The following CCDC146 variants were observed in gnomAD, a reference collection of about 807,000 sequenced individuals.
CCDC146 encodes the protein coiled-coil domain containing 146, also known as coiled-coil domain-containing protein 146.
Under a neutral mutation model 119.3 loss-of-function variants are expected in CCDC146, and 92 were observed. The ratio of observed to expected loss-of-function variants is 0.77; its 90% confidence interval spans 0.65 to 0.92. CCDC146 has a LOEUF of 0.92. Among genes scored for constraint, CCDC146 ranks in the 40% least tolerant of loss-of-function variants. The pLI is 0.00. For synonymous variants in CCDC146, 372 were observed against 371.8 expected, an observed-to-expected ratio of 1.00 and a Z score of -0.01; for missense variants, 1,000 against 1,103.0, an observed-to-expected ratio of 0.91 and a Z score of 1.32.
intron 2 of CCDC146, among the ~76,000 whole-genome samples, chr7:77,234,176 C>T (rs1176619931): frequency 1.3e-5 from 2 of 152,026 alleles, no homozygotes; most frequent in Non-Finnish European, 2.9e-5. Context: ...TACATACAAA[C>T]ACACACTCAC....
chr7:77,162,248 AT>A (rs1791273788), intron 1 of CCDC146, among the ~76,000 whole-genome samples: 1 of 151,734 alleles, frequency 6.6e-6, no homozygotes, highest in Non-Finnish European at 1.5e-5. Context: ...CTTTTTTCCT[AT>A]GTTTTCTTCT....
At chr7:77,232,507 T>C (rs146793723) in intron 2 of CCDC146, among the ~76,000 whole-genome samples, 42 of 152,376 alleles carry the variant, frequency 2.8e-4, no homozygotes, top group African/African-American at 9.4e-4. Context: ...TGTTTTTCTA[T>C]GTCTGTTATT....
At chr7:77,268,127 A>G (rs772101934) in intron 9 of CCDC146, among the ~76,000 whole-genome samples, 1 of 152,244 alleles carries the variant, frequency 6.6e-6, no homozygotes, top group Non-Finnish European at 1.5e-5. Context: ...AAATGAGAGT[A>G]ATTCTGTGGT....
At chr7:77,276,727 CG>C (rs765132977) in intron 11 of CCDC146, among the ~76,000 whole-genome samples, 17 of 152,026 alleles carry the variant, frequency 1.1e-4, no homozygotes, top group Non-Finnish European at 2.5e-4. Flanking sequence ...GGTGGCTAAG[CG>C]GGTAAGATGC....
At chr7:77,260,990 A>AT (rs1237111266) in intron 8 of CCDC146, among the ~76,000 whole-genome samples, 1 of 151,578 alleles carries the variant, frequency 6.6e-6, no homozygotes, top group Non-Finnish European at 1.5e-5. Flanking sequence ...CCAGTCTGTT[A>AT]TTTTTTTGGG....
chr7:77,154,117 A>G (rs540957249), intron 1 of CCDC146, among the ~76,000 whole-genome samples: 190 of 152,114 alleles, frequency 1.2e-3, no homozygotes, highest in Non-Finnish European at 2.1e-3. Context: ...AGGAACAGAG[A>G]ACAGGTCAGT....
chr7:77,134,575 G>GTGTC (rs924763500), intron 1 of CCDC146, among the ~76,000 whole-genome samples: 3 of 151,044 alleles, frequency 2.0e-5, no homozygotes, highest in Non-Finnish European at 4.4e-5. Context: ...GTGTGTGTGT[G>GTGTC]TGTGTGTGTG....
At chr7:77,126,772 C>A (rs1336119465) in intron 1 of CCDC146, among the ~76,000 whole-genome samples, 1 of 152,090 alleles carries the variant, frequency 6.6e-6, no homozygotes, top group Non-Finnish European at 1.5e-5. Context: ...CTTTTATGGA[C>A]CTCAGAGGGG....
intron 4 of CCDC146, among the ~76,000 whole-genome samples, chr7:77,251,033 G>A (rs1036523884): frequency 6.8e-6 from 1 of 146,936 alleles, no homozygotes; most frequent in Non-Finnish European, 1.5e-5. Flanking sequence ...GTGTTTGGTT[G>A]TTTGTTTTTG....
At chr7:77,155,745 G>A (rs1791169722) in intron 1 of CCDC146, among the ~76,000 whole-genome samples, 1 of 152,014 alleles carries the variant, frequency 6.6e-6, no homozygotes, top group South Asian at 2.1e-4. Context: ...ATTATTAGGC[G>A]CCCTGAACAA....
intron 2 of CCDC146, chr7:77,199,909 C>T (rs1286756238): frequency 6.1e-6 from 8 of 1,307,796 alleles, no homozygotes; most frequent in Non-Finnish European, 8.3e-6. Flanking sequence ...GCGTTTGCAT[C>T]ACAAGTTTTA....
At chr7:77,218,971 T>C (rs1792350819) in intron 2 of CCDC146, among the ~76,000 whole-genome samples, 1 of 152,212 alleles carries the variant, frequency 6.6e-6, no homozygotes, top group Admixed American at 6.5e-5. Context: ...ATTGTTAATT[T>C]GCAATCTGTG....
intron 9 of CCDC146, among the ~76,000 whole-genome samples, chr7:77,262,654 G>A (rs1295880232): frequency 2.0e-5 from 3 of 152,154 alleles, no homozygotes; most frequent in South Asian, 2.1e-4. Flanking sequence ...AGTCAGATCC[G>A]GCATGGTGTC....
chr7:77,279,850 A>C (rs6978259), intron 13 of CCDC146, among the ~76,000 whole-genome samples: 53,552 of 152,084 alleles, frequency 0.35, 10,311 homozygotes, highest in African/African-American at 0.5. Flanking sequence ...GTTAGTAAAC[A>C]GTACACGATC....
chr7:77,270,932 C>G (rs932885357), intron 9 of CCDC146, among the ~76,000 whole-genome samples: 1 of 152,044 alleles, frequency 6.6e-6, no homozygotes, highest in Non-Finnish European at 1.5e-5. Flanking sequence ...AGGAAAACAG[C>G]CACTTTCCCA....
At chr7:77,170,952 T>A (rs1286779007) in intron 2 of CCDC146, among the ~76,000 whole-genome samples, 1 of 152,170 alleles carries the variant, frequency 6.6e-6, no homozygotes, top group East Asian at 1.9e-4. Context: ...AAGAAATGCT[T>A]ATCTTTGTAT....
intron 2 of CCDC146, among the ~76,000 whole-genome samples, chr7:77,186,879 C>T (rs1383802697): frequency 5.9e-5 from 9 of 152,078 alleles, no homozygotes; most frequent in African/African-American, 9.7e-5. Context: ...GGTTATAGCT[C>T]GGTGTTTGTC....
At chr7:77,234,999 G>A (rs925774670) in intron 2 of CCDC146, among the ~76,000 whole-genome samples, 6 of 152,036 alleles carry the variant, frequency 3.9e-5, no homozygotes, top group Admixed American at 3.9e-4. Context: ...ACCCTGATGC[G>A]GGTAGAAAGA....
chr7:77,198,051 T>C (rs1791908962), intron 2 of CCDC146: 6 of 831,520 alleles, frequency 7.2e-6, no homozygotes, highest in Non-Finnish European at 8.7e-6. Context: ...AGGAGAAAAA[T>C]AGACAATAGT....
Sources: gnomAD v4.1 joint callset for allele counts (sites outside exome capture counted in the v4.1 genomes callset) on GRCh38, gnomAD v4.1.1 for gene constraint, MANE v1.5 for transcripts, NCBI Gene and HGNC (gene_info 2026-07-23, HGNC 2026-07-21) for gene names.